GRID2: variants seen among roughly 807,000 people sequenced by gnomAD.
The protein encoded by GRID2 is glutamate ionotropic receptor delta type subunit 2.
GRID2 carries 33 observed loss-of-function variants against 114.8 expected under a neutral mutation model. The observed-to-expected ratio is 0.29, with a 90% CI of 0.22 to 0.38. GRID2 has a LOEUF of 0.38. GRID2 is among the 10% of genes least tolerant of loss of function. GRID2 has a pLI of 1.00. For missense variants in GRID2, 1,184 were observed against 1,257.7 expected, an observed-to-expected ratio of 0.94 and a Z score of 0.89; for synonymous variants, 505 against 449.9, an observed-to-expected ratio of 1.12 and a Z score of -1.55.
intron 2 of GRID2, among the ~76,000 whole-genome samples, chr4:92,647,082 T>A (rs1052794448): frequency 6.6e-5 from 10 of 152,320 alleles, no homozygotes; most frequent in African/African-American, 2.4e-4. Flanking sequence ...TGAGAGGCAA[T>A]GTTTCCCAAT....
At chr4:93,778,524 G>A (rs897986600), downstream of GRID2, among the ~76,000 whole-genome samples, 1 of 149,962 alleles carries the variant, frequency 6.7e-6, no homozygotes, top group African/African-American at 2.5e-5. Context: ...AGCCTCCCAA[G>A]TAGCTAGGAC....
At chr4:93,016,742 A>C (rs1321255190) in intron 2 of GRID2, among the ~76,000 whole-genome samples, 6 of 152,192 alleles carry the variant, frequency 3.9e-5, no homozygotes, top group Admixed American at 2.6e-4. Flanking sequence ...GAGGCTTAGA[A>C]AAAGAAAAGA....
chr4:93,800,687 T>C (rs574565845), intron 1 of GRID2, among the ~76,000 whole-genome samples: 5 of 152,342 alleles, frequency 3.3e-5, no homozygotes, highest in African/African-American at 1.2e-4. Context: ...TGGATACATA[T>C]AGAAGAAATT....
chr4:93,050,893 G>A (rs1426582023), intron 2 of GRID2, among the ~76,000 whole-genome samples: 3 of 151,988 alleles, frequency 2.0e-5, no homozygotes, highest in Admixed American at 6.6e-5. Flanking sequence ...AGGCGTTGCA[G>A]CATTTTAATT....
intron 4 of GRID2, among the ~76,000 whole-genome samples, chr4:93,190,279 T>C (rs779074395): frequency 3.3e-5 from 5 of 152,136 alleles, no homozygotes; most frequent in Non-Finnish European, 7.4e-5. Context: ...TAGATTTCTA[T>C]ATTTTATTAA....
intron 2 of GRID2, among the ~76,000 whole-genome samples, chr4:92,710,936 A>G (rs1322254170): frequency 2.6e-5 from 4 of 151,286 alleles, no homozygotes; most frequent in Non-Finnish European, 4.4e-5. Context: ...TTTTTTTTTT[A>G]ATTATTAATC....
chr4:92,775,991 T>A (rs74796651), intron 2 of GRID2, among the ~76,000 whole-genome samples: 1,714 of 152,252 alleles, frequency 0.011, 37 homozygotes, highest in African/African-American at 0.039. Context: ...AAGATAATTT[T>A]AAAAAATTGA....
chr4:93,472,955 C>T (rs777782922), intron 11 of GRID2, among the ~76,000 whole-genome samples: 1 of 152,122 alleles, frequency 6.6e-6, no homozygotes, highest in Non-Finnish European at 1.5e-5. Flanking sequence ...AAACCAGAAA[C>T]CCACACGACA....
At chr4:92,657,052 TG>T (rs1182463897) in intron 2 of GRID2, among the ~76,000 whole-genome samples, 3 of 151,676 alleles carry the variant, frequency 2.0e-5, no homozygotes, top group Admixed American at 6.6e-5. Context: ...GGAAATTAGC[TG>T]CAGTATCTTA....
intron 13 of GRID2, among the ~76,000 whole-genome samples, chr4:93,616,568 A>AT (rs1301793567): frequency 1.9e-5 from 2 of 106,448 alleles, no homozygotes; most frequent in East Asian, 5.9e-4. Context: ...AAATATAAAT[A>AT]TTTATTTTTA....
chr4:93,142,026 G>A (rs1394518881), intron 4 of GRID2, among the ~76,000 whole-genome samples: 1 of 152,068 alleles, frequency 6.6e-6, no homozygotes, highest in African/African-American at 2.4e-5. Context: ...ACCAGCCTGG[G>A]AAACATAGCA....
chr4:93,092,620 C>T (rs185688794), intron 3 of GRID2, among the ~76,000 whole-genome samples: 5 of 152,118 alleles, frequency 3.3e-5, no homozygotes, highest in East Asian at 3.9e-4. Context: ...GTGTCTGTCT[C>T]AATAATCAGC....
rs72080884 is a variant in GRID2 at position 93,257,978 on chromosome 4, GTA to G, written c.1245+19509_1245+19510del. On this transcript the variant is annotated intron_variant, in intron 8 of 15. Coordinates refer to ENST00000282020, the MANE Select transcript of GRID2 (RefSeq NM_001510.4). ...ATACATATACACACAATATGTGTGTGTATATATATATATATATATATACACAC... is the reference window on the plus strand; with the variant it reads ...ATACATATACACACAATATGTGTGTGTATATATATATATATATATACACAC... Among the ~76,000 whole-genome samples the G allele has an allele frequency of 2.4e-3, 333 of 139,036 alleles. 2 individuals are homozygous for G. In the East Asian group the frequency reaches 0.027, roughly 11 times the overall value. 91.2% of individuals were successfully genotyped at this position (139,036 alleles called of 152,430 possible).
At chr4:93,073,879 G>A (rs565157138) in intron 2 of GRID2, among the ~76,000 whole-genome samples, 11 of 152,294 alleles carry the variant, frequency 7.2e-5, no homozygotes, top group Admixed American at 3.3e-4. Flanking sequence ...AACACCCTTA[G>A]GCCCAAGTTG....
intron 2 of GRID2, among the ~76,000 whole-genome samples, chr4:92,925,823 G>T (rs1249428691): frequency 6.6e-6 from 1 of 151,916 alleles, no homozygotes; most frequent in African/African-American, 2.4e-5. Flanking sequence ...ACATCATTAA[G>T]CCTTTTTATT....
In GRID2 at chr4:92,441,403, A is replaced by G. The variant is rs186196369; in HGVS notation, c.88+136659A>G. Among the ~76,000 whole-genome samples, 483 of 152,272 alleles carry G rather than the reference A, an allele frequency of 3.2e-3. 5 individuals are homozygous for G. The highest frequency in any genetic ancestry group is 0.011 in the African/African-American group (453 of 41,548). ...AGGGTCAGTCCAAGTGAAAGCGAAG[A>G]GAGGCTGGGATTAAGGGGCAAAGGA... On this transcript the variant is annotated intron_variant, in intron 1 of 15. Transcript: ENST00000282020.
intron 14 of GRID2, among the ~76,000 whole-genome samples, chr4:93,707,241 CCTA>C (rs1242200507): frequency 1.3e-5 from 2 of 152,044 alleles, no homozygotes; most frequent in Non-Finnish European, 2.9e-5. Flanking sequence ...TGTATTCTCT[CCTA>C]CTCTATTTTT....
At chr4:92,547,709 C>T (rs1726336091) in intron 1 of GRID2, among the ~76,000 whole-genome samples, 1 of 151,782 alleles carries the variant, frequency 6.6e-6, no homozygotes, top group Non-Finnish European at 1.5e-5. Context: ...GCCAGCATAC[C>T]TCATGCACAC....
intron 14 of GRID2, among the ~76,000 whole-genome samples, chr4:93,692,046 A>G (rs549321624): frequency 5.3e-5 from 8 of 152,108 alleles, no homozygotes; most frequent in Non-Finnish European, 7.4e-5. Context: ...AGAAGTCAAA[A>G]AAGTCAAAAA....
Sources: allele counts gnomAD v4.1 joint callset (sites outside exome capture counted in the v4.1 genomes callset), GRCh38; gene constraint gnomAD v4.1.1; transcripts MANE v1.5; gene names NCBI Gene and HGNC (gene_info 2026-07-23, HGNC 2026-07-21).